MX1: variants seen among roughly 807,000 people sequenced by gnomAD.
The protein encoded by MX1 is interferon-induced GTP-binding protein Mx1.
In MX1, 66 loss-of-function variants were observed where a neutral mutation model predicts 66.4. The ratio of observed to expected loss-of-function variants is 0.99; its 90% CI spans 0.82 to 1.22. MX1 has a LOEUF of 1.22. Among genes scored for constraint, MX1 ranks in the 50% most tolerant of loss-of-function variants. The probability of loss-of-function intolerance (pLI) is 0.00; values close to 1 mark genes in which losing one functional copy is unlikely to be tolerated. For synonymous variants in MX1, 311 were observed against 318.1 expected (o/e 0.98, Z 0.24); for missense variants, 787 against 834.3 (o/e 0.94, Z 0.70).
At position 41,458,715 on chromosome 21, in the gene MX1, G is replaced by A. The variant is rs1486055891; in HGVS notation, c.1946G>A (p.Arg649Gln). 5.6e-6 allele frequency: 9 copies of A among 1,613,888 alleles called. No individual in the cohort carries two copies. The highest frequency in any genetic ancestry group is 4.5e-5 in the East Asian group (2 of 44,870). Residue 649 changes from arginine to glutamine, a missense_variant, in exon 17 of 17, where the codon CGG becomes CAG. Coordinates refer to ENST00000398598, the MANE Select transcript of MX1 (RefSeq NM_002462.5). ...KRKFLKERLA[R>Q]LTQARRRLAQ... ...AAGTTCCTGAAGGAGCGGCTTGCACGGCTGACGCAGGCTCGGCGCCGGCTT... is the reference window on the plus strand; with the variant it reads ...AAGTTCCTGAAGGAGCGGCTTGCACAGCTGACGCAGGCTCGGCGCCGGCTT...
intron 14 of MX1, 119 bp downstream of exon 14, chr21:41,449,414 C>T (rs1271506501): frequency 1.0e-6 from 1 of 977,810 alleles, no homozygotes; most frequent in Non-Finnish European, 1.5e-6. Flanking sequence ...AACGAGCAAA[C>T]CTCTCATTCT....
chr21:41,438,532 A>G (rs988197426), intron 7 of MX1, among the ~76,000 whole-genome samples: 1 of 152,196 alleles, frequency 6.6e-6, no homozygotes, highest in Admixed American at 6.5e-5. Context: ...TCCCAGCAGC[A>G]AGAGAGGGCA....
chr21:41,447,711 T>C (rs568399669), intron 13 of MX1, among the ~76,000 whole-genome samples: 1 of 152,194 alleles, frequency 6.6e-6, no homozygotes, highest in East Asian at 1.9e-4. Context: ...GTGAATATAC[T>C]AAAATTCACT....
Position 41,439,862 on chromosome 21 carries a change from C to T in MX1, c.591+14C>T, listed in dbSNP as rs201077853. 350 of 1,610,070 alleles carry T rather than the reference C, an allele frequency of 2.2e-4. 2 individuals are homozygous for T. Among genetic ancestry groups the T allele is most frequent in the Middle Eastern group, 2.2e-3 (13 of 6,012 alleles). ...ATTGGGTATAAGGTCAGACTTCAGACCCATTCTGACCTTGGCCGTGGCGTG... is the reference window on the plus strand; with the variant it reads ...ATTGGGTATAAGGTCAGACTTCAGATCCATTCTGACCTTGGCCGTGGCGTG... On this transcript the variant is annotated intron_variant, in intron 8 of 16. Coordinates refer to ENST00000398598, the MANE Select transcript of MX1 (RefSeq NM_002462.5).
At chr21:41,424,415 C>T (rs1267958433), upstream of MX1, among the ~76,000 whole-genome samples, 1 of 152,170 alleles carries the variant, frequency 6.6e-6, no homozygotes, top group African/African-American at 2.4e-5. Flanking sequence ...CTGGGGGGCT[C>T]CTCCCCCTCT....
At chr21:41,437,265 C>T in intron 7 of MX1, 113 bp downstream of exon 7, 1 of 1,221,492 alleles carries the variant, frequency 8.2e-7, no homozygotes, top group African/African-American at 1.5e-5. Flanking sequence ...CACCTTTCTC[C>T]TGCACATCAG....
intron 6 of MX1, among the ~76,000 whole-genome samples, chr21:41,436,268 A>G (rs1280298536): frequency 6.6e-6 from 1 of 152,102 alleles, no homozygotes; most frequent in Non-Finnish European, 1.5e-5. Context: ...CCCCTTCTTC[A>G]TAAGGGCACC....
chr21:41,441,050 G>T lies in MX1; in HGVS notation c.730+25G>T. ...GGTGAGAGTGGGGGAGCCCCACTGT[G>T]CTCAGTGAGAATGGGGGAGCCCGCC... On this transcript the variant is annotated intron_variant, in intron 9 of 16. Transcript: ENST00000398598. This position sits in a 1 kb window ranked among gnomAD's most constrained non-coding sequence, Gnocchi z 4.0. 6.2e-7 allele frequency: 1 copy of T among 1,608,590 alleles called. No individual in the cohort carries two copies. The highest frequency in any genetic ancestry group is 8.5e-7 in the Non-Finnish European group (1 of 1,177,550).
Position 41,445,435 on chromosome 21 carries a change from C to T in MX1, c.1009-13C>T, listed in dbSNP as rs746903168. Reference sequence around the variant, plus strand: ...TTTACACATTTCCATTATTTTCTCTCCATTTTCCTCAGAAATCTCTGCCCC... The same window carrying T: ...TTTACACATTTCCATTATTTTCTCTTCATTTTCCTCAGAAATCTCTGCCCC... On this transcript the variant is annotated splice_polypyrimidine_tract_variant and intron_variant, in intron 11 of 16. Coordinates refer to ENST00000398598, the MANE Select transcript of MX1 (RefSeq NM_002462.5). 1.9e-6 allele frequency: 3 copies of T among 1,613,560 alleles called. No individual in the cohort carries two copies. Among genetic ancestry groups the T allele is most frequent in the South Asian group, 2.2e-5 (2 of 91,024 alleles).
intron 5 of MX1, among the ~76,000 whole-genome samples, chr21:41,433,773 C>T (rs1174723643): frequency 1.3e-5 from 2 of 152,188 alleles, no homozygotes; most frequent in African/African-American, 4.8e-5. Context: ...GTGTTCTTAA[C>T]CCAAGTGGTT....
In MX1 at chr21:41,458,566, C is replaced by CTGGAT; in HGVS notation, c.1797_1798insTGGAT (p.Ile600TrpfsTer33). On this transcript the variant is annotated frameshift_variant, in exon 17 of 17. Coordinates refer to ENST00000398598, the MANE Select transcript of MX1 (RefSeq NM_002462.5). LOFTEE classifies it low-confidence loss of function (END_TRUNC). Reference sequence around the variant, plus strand: ...GCATCTCCAGCCACATCCCTTTGATCATCCAGTTCTTCATGCTCCAGACGT... The same window carrying CTGGAT: ...GCATCTCCAGCCACATCCCTTTGATCTGGATATCCAGTTCTTCATGCTCCAGACGT... The CTGGAT allele has an allele frequency of 6.2e-7, 1 of 1,611,418 alleles. No individual in the cohort carries two copies. The highest frequency in any genetic ancestry group is 1.1e-5 in the South Asian group (1 of 90,804).
At chr21:41,431,199 A>C (rs466112) in intron 4 of MX1, among the ~76,000 whole-genome samples, 98,188 of 151,894 alleles carry the variant, frequency 0.65, 33,854 homozygotes, top group East Asian at 0.99. Context: ...ATTTTTGTAT[A>C]TTTAGTAGAG....
At chr21:41,428,593 G>A (rs2090129684) in intron 3 of MX1, 1 of 152,242 alleles carries the variant, frequency 6.6e-6, no homozygotes, top group African/African-American at 2.4e-5. Flanking sequence ...GACATTGCTA[G>A]TCCCTTGTCG....
rs1486344807 is a variant in MX1 at position 41,440,999 on chromosome 21, T to TGGAC, written c.705_708dup (p.Pro237GlyfsTer15). 1.9e-5 allele frequency: 30 copies of TGGAC among 1,613,966 alleles called. No homozygotes were observed. Among genetic ancestry groups the TGGAC allele is most frequent in the Non-Finnish European group, 2.5e-5 (30 of 1,180,004 alleles). ...GAGGCTCTCAGCATGGCCCAGGAGG[T>TGGAC]GGACCCCGAGGGAGACAGGACCATC... On this transcript the variant is annotated frameshift_variant, in exon 9 of 17. Coordinates refer to ENST00000398598, the MANE Select transcript of MX1 (RefSeq NM_002462.5). LOFTEE classifies it high-confidence loss of function.
At chr21:41,443,720 C>G (rs1425339681) in intron 10 of MX1, 68 bp from the exon 11 acceptor site, 1 of 1,503,368 alleles carries the variant, frequency 6.7e-7, no homozygotes, top group East Asian at 2.3e-5. Flanking sequence ...CTTTCCCCAA[C>G]AGCAAAAAGG....
At chr21:41,420,828 A>G (rs968189283) in intron 1 of MX1, 1 of 152,308 alleles carries the variant, frequency 6.6e-6, no homozygotes, top group Non-Finnish European at 1.5e-5. Context: ...GTCAGGCTCC[A>G]CTGGGCCCTG....
In MX1 at chr21:41,439,827, G is replaced by A. The variant is rs777396387; in HGVS notation, c.570G>A (p.Gln190=). The A allele has an allele frequency of 6.2e-7, 1 of 1,613,758 alleles. No individual in the cohort carries two copies. The highest frequency in any genetic ancestry group is 1.7e-5 in the Admixed American group (1 of 59,994). ...TAACCAGAGTGGCTGTGGGCAATCA[G>A]CCTGCTGACATTGGGTATAAGGTCA... The part of the protein sequence containing the change: ...PGITRVAVGN[Q]PADIGYKIKT... The change falls in exon 8 of 17, where the codon CAG becomes CAA. Residue 190 remains glutamine, a synonymous_variant. Transcript: ENST00000398598.
chr21:41,424,271 G>A (rs1249570790), upstream of MX1, among the ~76,000 whole-genome samples: 1 of 149,734 alleles, frequency 6.7e-6, no homozygotes, highest in Non-Finnish European at 1.5e-5. Context: ...GTTAAAGTGA[G>A]GTCATTGCTA....
intron 16 of MX1, among the ~76,000 whole-genome samples, chr21:41,456,318 GGA>G (rs1296177608): frequency 1.4e-4 from 21 of 152,322 alleles, no homozygotes; most frequent in African/African-American, 5.1e-4. Context: ...TATATTTCAA[GGA>G]ATTGGCTTCT....
Sources: gnomAD v4.1 joint callset for allele counts (sites outside exome capture counted in the v4.1 genomes callset) on GRCh38, gnomAD v4.1.1 for gene constraint, Gnocchi (gnomAD v3.1) non-coding constraint, MANE v1.5 for transcripts, NCBI Gene and HGNC (gene_info 2026-07-23, HGNC 2026-07-21) for gene names.